The following IQGAP2 variants were observed in gnomAD, a reference collection of about 807,000 sequenced individuals.
IQGAP2 encodes ras GTPase-activating-like protein IQGAP2.
A neutral mutation model predicts 201.3 loss-of-function variants in IQGAP2; 173 were observed. The observed-to-expected ratio is 0.86, with a 90% CI of 0.76 to 0.98. The LOEUF is 0.98. Among genes scored for constraint, IQGAP2 ranks in the 50% least tolerant of loss-of-function variants. IQGAP2 has a pLI of 0.00. For missense variants in IQGAP2, 1,687 were observed against 1,864.8 expected (o/e 0.90, Z 1.76); for synonymous variants, 675 against 673.9 (o/e 1.00, Z -0.03).
At chr5:76,444,524 C>T (rs1302653446) in intron 1 of IQGAP2, among the ~76,000 whole-genome samples, 2 of 152,178 alleles carry the variant, frequency 1.3e-5, no homozygotes, top group Admixed American at 1.3e-4. Flanking sequence ...GTCTCGAACT[C>T]CCAACCTTAG....
intron 15 of IQGAP2, among the ~76,000 whole-genome samples, chr5:76,634,585 G>A (rs902780203): frequency 1.3e-5 from 2 of 152,018 alleles, no homozygotes; most frequent in African/African-American, 2.4e-5. Flanking sequence ...TACGGAAAAC[G>A]TTTGCCAACC....
Position 76,590,702 on chromosome 5 carries a change from C to T in IQGAP2, c.819+116C>T, listed in dbSNP as rs907266054. On this transcript the variant is annotated intron_variant, in intron 8 of 35. Transcript: ENST00000274364. ...ATCAATTGGCTATTTTCTCTATAGC[C>T]GTAGACAATTGATTTGAATGAAATG... 14 of 750,016 alleles carry T rather than the reference C, an allele frequency of 1.9e-5. No individual in the cohort carries two copies. The South Asian group carries it at 2.0e-4, about 11-fold the overall frequency. 46.5% of individuals were successfully genotyped at this position (750,016 alleles called of 1,614,324 possible). A position where few individuals can be genotyped will look rare whatever the true frequency, so the allele number is the denominator to read the frequency against.
At chr5:76,688,137 A>T in intron 30 of IQGAP2, among the ~76,000 whole-genome samples, 1 of 152,362 alleles carries the variant, frequency 6.6e-6, no homozygotes, top group African/African-American at 2.4e-5. Flanking sequence ...CTTGAGATTC[A>T]TTAGAGAACC....
intron 13 of IQGAP2, among the ~76,000 whole-genome samples, chr5:76,627,145 G>T (rs1750319591): frequency 6.6e-6 from 1 of 152,196 alleles, no homozygotes; most frequent in Admixed American, 6.5e-5. Flanking sequence ...AAGCTTAGAT[G>T]CAGCAGAAGC....
chr5:76,483,334 C>T (rs1755903807), intron 2 of IQGAP2, among the ~76,000 whole-genome samples: 1 of 151,936 alleles, frequency 6.6e-6, no homozygotes, highest in South Asian at 2.1e-4. Context: ...TAGGAGACCT[C>T]TTTTTAAACC....
rs1561416607 is a variant in IQGAP2, at chr5:76,496,765, C to CTTTCT, written c.146+35099_146+35103dup. Among the ~76,000 whole-genome samples, 115 of 72,024 alleles carry CTTTCT rather than the reference C, an allele frequency of 1.6e-3. 2 individuals are homozygous for CTTTCT. The highest frequency in any genetic ancestry group is 3.5e-3 in the African/African-American group (49 of 14,158). The allele number at this position is 72,024 out of a possible 152,430, so 47.3% of individuals were successfully genotyped here. A position where few individuals can be genotyped will look rare whatever the true frequency, so the allele number is the denominator to read the frequency against. ...TCTTTCTTTCTTTCTTTCTTTCTTT[C>CTTTCT]TTTCTTTCTTTCTTTCTTTCTTTCT... On this transcript the variant is annotated intron_variant, in intron 2 of 35. Transcript: ENST00000274364.
chr5:76,430,618 C>T (rs550461221), intron 1 of IQGAP2, among the ~76,000 whole-genome samples: 3 of 152,298 alleles, frequency 2.0e-5, no homozygotes, highest in South Asian at 2.1e-4. Context: ...AGCTATTGCA[C>T]GTCTCCCCAG....
intron 1 of IQGAP2, among the ~76,000 whole-genome samples, chr5:76,449,914 A>G (rs1021607187): frequency 6.6e-6 from 1 of 152,254 alleles, no homozygotes; most frequent in African/African-American, 2.4e-5. Context: ...GCAGTACAGC[A>G]TGAATTATAT....
intron 1 of IQGAP2, among the ~76,000 whole-genome samples, chr5:76,424,730 A>G (rs1751904759): frequency 6.6e-6 from 1 of 152,224 alleles, no homozygotes; most frequent in Non-Finnish European, 1.5e-5. Flanking sequence ...GGGAGGCGAC[A>G]TGGCCCACTG....
At chr5:76,665,425 G>A (rs767564795) in intron 22 of IQGAP2, among the ~76,000 whole-genome samples, 4 of 152,194 alleles carry the variant, frequency 2.6e-5, no homozygotes, top group Non-Finnish European at 5.9e-5. Flanking sequence ...CTGAGACACA[G>A]CCAGTAAATG....
At chr5:76,683,499 A>G (rs931309403) in intron 29 of IQGAP2, among the ~76,000 whole-genome samples, 4 of 150,368 alleles carry the variant, frequency 2.7e-5, no homozygotes, top group Admixed American at 2.0e-4. Flanking sequence ...GCCATCAATA[A>G]AGAACCAAAT....
intron 17 of IQGAP2, among the ~76,000 whole-genome samples, chr5:76,644,973 A>G (rs1048525201): frequency 4.6e-5 from 7 of 152,104 alleles, no homozygotes; most frequent in African/African-American, 1.7e-4. Context: ...TAGATTAGGT[A>G]TTTCTCCTAA....
intron 1 of IQGAP2, among the ~76,000 whole-genome samples, chr5:76,426,323 A>G (rs1195809824): frequency 1.3e-5 from 2 of 152,188 alleles, no homozygotes; most frequent in Admixed American, 1.3e-4. Flanking sequence ...AGGCAACCAT[A>G]TAAATTGTGC....
chr5:76,538,500 G>A lies in IQGAP2; in HGVS notation c.147-23896G>A, dbSNP rs527386464. On this transcript the variant is annotated intron_variant, in intron 2 of 35. Coordinates refer to ENST00000274364, the MANE Select transcript of IQGAP2 (RefSeq NM_006633.5). Reference sequence around the variant, plus strand: ...GCTGACCTCTGCCTGCCTCAAGCCGGATTACAATTCTGTTGGGACTGTTTT... The same window carrying A: ...GCTGACCTCTGCCTGCCTCAAGCCGAATTACAATTCTGTTGGGACTGTTTT... Among the ~76,000 whole-genome samples, 15 of 152,318 alleles carry A rather than the reference G, an allele frequency of 9.8e-5. No homozygotes were observed. The South Asian group carries it at 2.9e-3, about 29-fold the overall frequency.
intron 13 of IQGAP2, chr5:76,618,695 G>T: frequency 7.6e-7 from 1 of 1,307,470 alleles, no homozygotes; most frequent in Non-Finnish European, 1.0e-6. Flanking sequence ...AGAAAAGAAA[G>T]TGTGTTTAAT....
chr5:76,694,245 C>T (rs1013664420), intron 31 of IQGAP2, among the ~76,000 whole-genome samples: 2 of 151,990 alleles, frequency 1.3e-5, no homozygotes, highest in Admixed American at 6.6e-5. Flanking sequence ...CCAGCCTGGA[C>T]AACACAGTGA....
intron 4 of IQGAP2, among the ~76,000 whole-genome samples, chr5:76,571,615 G>A (rs1745123585): frequency 6.6e-6 from 1 of 152,184 alleles, no homozygotes; most frequent in African/African-American, 2.4e-5. Context: ...TTGAAGAGCA[G>A]GCATCCTAAA....
Position 76,600,957 on chromosome 5 carries a change from AG to A in IQGAP2, c.1219del (p.Ala407HisfsTer15). 3 of 1,613,846 alleles carry A rather than the reference AG, an allele frequency of 1.9e-6. No homozygotes were observed. The highest frequency in any genetic ancestry group is 2.5e-6 in the Non-Finnish European group (3 of 1,179,768). On this transcript the variant is annotated frameshift_variant, in exon 11 of 36. Transcript: ENST00000274364. LOFTEE classifies it high-confidence loss of function. ...SPAIGLNNLD[K>X]AYVERYANTL... is the part of the protein sequence containing the mutation. ...GCAATAGGCTTAAACAATCTGGACA[AG>A]GCATATGTGGAACGGTAAGGAACAT...
In IQGAP2 at chr5:76,570,606, A is replaced by G; in HGVS notation, c.330A>G (p.Thr110=). 6.2e-7 allele frequency: 1 copy of G among 1,613,724 alleles called. No homozygotes were observed. Among genetic ancestry groups the G allele is most frequent in the Non-Finnish European group, 8.5e-7 (1 of 1,179,610 alleles). Residue 110 remains threonine, a synonymous_variant, in exon 4 of 36, where the codon ACA becomes ACG. Transcript: ENST00000274364. Reference sequence around the variant, plus strand: ...AGTCTGGCCTTCATTTTCGACACACAGATAATACCGTCCAGTGGTTAAGAG... The same window carrying G: ...AGTCTGGCCTTCATTTTCGACACACGGATAATACCGTCCAGTGGTTAAGAG... The part of the protein sequence containing the change: ...YKKSGLHFRH[T]DNTVQWLRAM...
Sources: allele counts gnomAD v4.1 joint callset (sites outside exome capture counted in the v4.1 genomes callset), GRCh38; gene constraint gnomAD v4.1.1; transcripts MANE v1.5; gene names NCBI Gene and HGNC (gene_info 2026-07-23, HGNC 2026-07-21).